BLK: variants seen among roughly 807,000 people sequenced by gnomAD.
BLK encodes tyrosine-protein kinase Blk.
In BLK, 64 loss-of-function variants were observed where a neutral mutation model predicts 61.8. That is an observed-to-expected ratio of 1.03 (90% confidence interval 0.85 to 1.27). The LOEUF is 1.27. BLK is among the 50% of genes most tolerant of loss of function. The pLI is 0.00. For synonymous variants in BLK, 351 were observed against 272.0 expected (o/e 1.29, Z -2.86); for missense variants, 853 against 660.5 (o/e 1.29, Z -3.19).
intron 1 of BLK, among the ~76,000 whole-genome samples, chr8:11,517,538 C>A (rs913407300): frequency 6.6e-6 from 1 of 152,228 alleles, no homozygotes; most frequent in Non-Finnish European, 1.5e-5. Context: ...TTTCAGGTTC[C>A]CAGAGCCCTT....
At chr8:11,514,072 C>G (rs1799129213) in intron 1 of BLK, among the ~76,000 whole-genome samples, 1 of 152,184 alleles carries the variant, frequency 6.6e-6, no homozygotes, top group South Asian at 2.1e-4. Flanking sequence ...GGGATCGGAC[C>G]TTCCCTTCTG....
intron 1 of BLK, among the ~76,000 whole-genome samples, chr8:11,495,358 G>A (rs190607811): frequency 2.5e-4 from 38 of 152,250 alleles, no homozygotes; most frequent in Admixed American, 1.4e-3. Flanking sequence ...CTCCTCCCTC[G>A]GGAGAGTGGG....
intron 10 of BLK, among the ~76,000 whole-genome samples, chr8:11,559,515 A>G (rs1363185953): frequency 1.4e-5 from 2 of 141,328 alleles, no homozygotes; most frequent in African/African-American, 6.4e-5. Context: ...AAACTCACAC[A>G]CACAAACACA....
chr8:11,540,056 CT>C (rs35336055), intron 1 of BLK, among the ~76,000 whole-genome samples: 1 of 152,006 alleles, frequency 6.6e-6, no homozygotes, highest in Admixed American at 6.5e-5. Flanking sequence ...TGAATTTGTA[CT>C]TTTTTTGTTC....
chr8:11,516,988 AG>A (rs557299067), intron 1 of BLK, among the ~76,000 whole-genome samples: 73 of 152,338 alleles, frequency 4.8e-4, no homozygotes, highest in Non-Finnish European at 7.8e-4. Context: ...TAATTTGTCG[AG>A]GAGACTCCAT....
At position 11,546,049 on chromosome 8, in the gene BLK, A is replaced by G. The variant is rs1326988808; in HGVS notation, c.124-3A>G. 1.2e-6 allele frequency: 2 copies of G among 1,614,062 alleles called. No homozygotes were observed. Among genetic ancestry groups the G allele is most frequent in the Non-Finnish European group, 1.7e-6 (2 of 1,179,998 alleles). On this transcript the variant is annotated splice_region_variant and splice_polypyrimidine_tract_variant and intron_variant, in intron 2 of 12. Transcript: ENST00000259089. ...TAACTCAAGTGTGTGTTTTCTACCC[A>G]AGGTTGTCTTCAACCACCTTACTCC...
At chr8:11,555,017 C>G in intron 7 of BLK, 128 bp downstream of exon 7, 4 of 1,414,772 alleles carry the variant, frequency 2.8e-6, no homozygotes, top group Non-Finnish European at 3.8e-6. Context: ...AAAGTTAGGC[C>G]TAAGGAGGTA....
chr8:11,539,607 G>C (rs1421944444), intron 1 of BLK, among the ~76,000 whole-genome samples: 1 of 152,278 alleles, frequency 6.6e-6, no homozygotes, highest in South Asian at 2.1e-4. Context: ...GAATTTAAAA[G>C]ATTGCCCTTT....
chr8:11,560,780 C>T (rs1264126870), intron 10 of BLK: 1 of 445,286 alleles, frequency 2.2e-6, no homozygotes, highest in African/African-American at 2.0e-5. Flanking sequence ...TGCCTCAACC[C>T]CCTGCCCTGG....
rs115813493 is a variant in BLK, at chr8:11,503,145, T to C, written c.-2+8554T>C. On this transcript the variant is annotated intron_variant, in intron 1 of 12. Coordinates refer to ENST00000259089, the MANE Select transcript of BLK (RefSeq NM_001715.3). ...GGTGCAAAACTGAAGGAGGCCCTGA[T>C]GCTTGAGGTTGTTCAAGTGCAGAGA... 9.5e-3 allele frequency among the ~76,000 whole-genome samples: 1,440 copies of C among 152,326 alleles called. 25 individuals carry two copies. Among genetic ancestry groups the C allele is most frequent in the African/African-American group, 0.033 (1,374 of 41,568 alleles).
At chr8:11,547,201 T>G (rs1035058421) in intron 3 of BLK, among the ~76,000 whole-genome samples, 6 of 152,252 alleles carry the variant, frequency 3.9e-5, no homozygotes. Context: ...TCTGTCACAC[T>G]TGTGAGCAGA....
rs780300190 is a variant in BLK, at chr8:11,563,976, C to G, written c.1386C>G (p.Pro462=). 42 of 1,606,138 alleles carry G rather than the reference C, an allele frequency of 2.6e-5. No individual in the cohort carries two copies. Among genetic ancestry groups the G allele is most frequent in the Middle Eastern group, 1.7e-4 (1 of 6,052 alleles). ...YRMPRPDTCP[P]ELYRGVIAEC... ...TGCCGCGCCCCGACACCTGCCCGCC[C>G]GAGCTGTACCGCGGCGTCATCGCCG... The change falls in exon 13 of 13, where the codon CCC becomes CCG. Residue 462 remains proline (P), a synonymous_variant. Coordinates refer to ENST00000259089, the MANE Select transcript of BLK (RefSeq NM_001715.3).
At chr8:11,497,481 C>T (rs904054285) in intron 1 of BLK, among the ~76,000 whole-genome samples, 2 of 152,178 alleles carry the variant, frequency 1.3e-5, no homozygotes, top group African/African-American at 4.8e-5. Flanking sequence ...CAACCACCAG[C>T]ACACACCCAG....
chr8:11,556,933 G>C (rs1801265651), intron 9 of BLK, 96 bp downstream of exon 9: 1 of 1,309,432 alleles, frequency 7.6e-7, no homozygotes, highest in African/African-American at 2.1e-5. Context: ...CACCAGGCCA[G>C]GGGGTCCTGC....
chr8:11,508,932 G>C (rs1196791141), intron 1 of BLK, among the ~76,000 whole-genome samples: 1 of 152,136 alleles, frequency 6.6e-6, no homozygotes, highest in Non-Finnish European at 1.5e-5. Context: ...AGGAAATGCT[G>C]GGCGCCTTTT....
chr8:11,550,492 C>T (rs941055821), intron 6 of BLK, among the ~76,000 whole-genome samples: 2 of 152,256 alleles, frequency 1.3e-5, no homozygotes, highest in African/African-American at 2.4e-5. Context: ...GCCGGGTGGA[C>T]AGGGGTGGTC....
At chr8:11,536,676 G>A (rs7831602) in intron 1 of BLK, among the ~76,000 whole-genome samples, 2,025 of 152,298 alleles carry the variant, frequency 0.013, 41 homozygotes, top group African/African-American at 0.047. Flanking sequence ...CAAGTGCTGG[G>A]ATTACAGGCA....
intron 3 of BLK, 105 bp from the exon 4 acceptor site, chr8:11,547,927 C>T: frequency 1.0e-6 from 1 of 989,612 alleles, no homozygotes; most frequent in African/African-American, 1.6e-5. Flanking sequence ...TCATTTCCAT[C>T]GTGGGCAAGC....
In BLK at chr8:11,546,086, A is replaced by G. The variant is rs775010605; in HGVS notation, c.158A>G (p.Asp53Gly). 1 of 1,614,162 alleles carries G rather than the reference A, an allele frequency of 6.2e-7. No individual in the cohort carries two copies. The highest frequency in any genetic ancestry group is 1.1e-5 in the South Asian group (1 of 91,084). ...AACCACCTTACTCCTCCACCGCCCG[A>G]TGAACACCTGGATGAAGGTAAGAAG... The part of the protein sequence containing the change: ...VFNHLTPPPP[D>G]EHLDEDKHFV... The change falls in exon 3 of 13, where the codon GAT becomes GGT. Residue 53 changes from aspartate to glycine, a missense_variant. By Grantham distance (94) the Asp-to-Gly change is moderately conservative. Transcript: ENST00000259089.
Sources: allele counts gnomAD v4.1 joint callset (sites outside exome capture counted in the v4.1 genomes callset), GRCh38; gene constraint gnomAD v4.1.1; transcripts MANE v1.5; gene names NCBI Gene and HGNC (gene_info 2026-07-23, HGNC 2026-07-21).